SLIT2: variants seen among roughly 807,000 people sequenced by gnomAD.
SLIT2 encodes the protein slit guidance ligand 2, also known as slit homolog 2 protein.
SLIT2 carries 41 observed loss-of-function variants against 185.7 expected under a neutral mutation model. That is an observed-to-expected ratio of 0.22 (90% CI 0.17 to 0.29). The LOEUF (loss-of-function observed/expected upper bound fraction) is 0.29, where lower values mean the gene tolerates loss of function less well. Ranked by LOEUF, SLIT2 falls within the 10% of genes least tolerant of loss-of-function variation. The probability of loss-of-function intolerance (pLI) is 1.00; values close to 1 mark genes in which losing one functional copy is unlikely to be tolerated. For missense variants in SLIT2, 1,571 were observed against 1,909.0 expected (o/e 0.82, Z 3.30); for synonymous variants, 693 against 680.2 (o/e 1.02, Z -0.29).
Position 20,598,307 on chromosome 4 carries a change from G to A in SLIT2, c.3604G>A (p.Asp1202Asn). The A allele has an allele frequency of 3.7e-6, 6 of 1,614,132 alleles. No homozygotes were observed. The highest frequency in any genetic ancestry group is 4.2e-6 in the Non-Finnish European group (5 of 1,180,002). The change falls in exon 33 of 37, where the codon GAC becomes AAC. Residue 1202 changes from aspartate (D) to asparagine (N), a missense_variant. Transcript: ENST00000504154. ...CAGCGGAATCCTCCTGTATAAGGGT[G>A]ACAAAGACCATATCGCGGTAGAACT... ...EDSGILLYKG[D>N]KDHIAVELYR...
chr4:20,617,420 G>A lies in SLIT2; in HGVS notation c.4137-19G>A, dbSNP rs779598004. ...CTCTTCTGAATGCATTCCCACTCCTGTGTTCCTCCTCCCTGTAGATGCGTA... is the reference window on the plus strand; with the variant it reads ...CTCTTCTGAATGCATTCCCACTCCTATGTTCCTCCTCCCTGTAGATGCGTA... On this transcript the variant is annotated intron_variant, in intron 35 of 36. Coordinates refer to ENST00000504154, the MANE Select transcript of SLIT2 (RefSeq NM_004787.4). 1.2e-6 allele frequency: 2 copies of A among 1,606,924 alleles called. No homozygotes were observed. Among genetic ancestry groups the A allele is most frequent in the Non-Finnish European group, 1.7e-6 (2 of 1,173,812 alleles).
At chr4:20,459,399 A>G (rs1224521893) in intron 4 of SLIT2, among the ~76,000 whole-genome samples, 1 of 152,224 alleles carries the variant, frequency 6.6e-6, no homozygotes, top group African/African-American at 2.4e-5. Flanking sequence ...GCTTTTGAAT[A>G]CATGAATGAG....
chr4:20,447,573 G>A (rs1344660842), intron 4 of SLIT2, among the ~76,000 whole-genome samples: 1 of 152,216 alleles, frequency 6.6e-6, no homozygotes. Context: ...TATCACAGGA[G>A]CAGGCTGTAG....
At chr4:20,280,994 G>A (rs1363387971) in intron 4 of SLIT2, among the ~76,000 whole-genome samples, 3 of 151,968 alleles carry the variant, frequency 2.0e-5, no homozygotes, top group East Asian at 1.9e-4. Flanking sequence ...CACCACGCCC[G>A]GCTGATTTTT....
intron 4 of SLIT2, among the ~76,000 whole-genome samples, chr4:20,337,020 T>C (rs1293835470): frequency 6.6e-6 from 1 of 152,196 alleles, no homozygotes; most frequent in Non-Finnish European, 1.5e-5. Flanking sequence ...CCTATTCCTC[T>C]TATAAGAGTT....
intron 4 of SLIT2, among the ~76,000 whole-genome samples, chr4:20,467,425 A>G (rs2148742963): frequency 6.6e-6 from 1 of 152,202 alleles, no homozygotes; most frequent in Non-Finnish European, 1.5e-5. Flanking sequence ...AAACTGAATT[A>G]TGAACAATTT....
At chr4:20,419,687 G>GTGTT (rs1195186669) in intron 4 of SLIT2, among the ~76,000 whole-genome samples, 1 of 151,446 alleles carries the variant, frequency 6.6e-6, no homozygotes, top group Non-Finnish European at 1.5e-5. Context: ...GTGTGTGTGT[G>GTGTT]TGTGTGTGTG....
chr4:20,333,719 T>C (rs756146853), intron 4 of SLIT2, among the ~76,000 whole-genome samples: 6 of 152,212 alleles, frequency 3.9e-5, no homozygotes, highest in Non-Finnish European at 7.3e-5. Context: ...GGTTCAAGCT[T>C]TGAGCCATAG....
intron 5 of SLIT2, among the ~76,000 whole-genome samples, chr4:20,472,268 A>ATC (rs1217612693): frequency 5.4e-4 from 21 of 38,752 alleles, no homozygotes; most frequent in South Asian, 9.3e-4. Context: ...CTATATATAG[A>ATC]TATATATCTA....
intron 4 of SLIT2, among the ~76,000 whole-genome samples, chr4:20,333,802 T>C (rs1302136423): frequency 6.6e-6 from 1 of 152,160 alleles, no homozygotes; most frequent in Non-Finnish European, 1.5e-5. Flanking sequence ...TTTTATTTCA[T>C]GTGTAAAGGT....
At chr4:20,598,466 T>A in intron 33 of SLIT2, 71 bp downstream of exon 33, 1 of 1,550,308 alleles carries the variant, frequency 6.5e-7, no homozygotes, top group Non-Finnish European at 8.9e-7. Context: ...CCTCTATCAT[T>A]TTATTATGGA....
chr4:20,364,415 T>A, intron 4 of SLIT2: 1 of 252,020 alleles, frequency 4.0e-6, no homozygotes, highest in Non-Finnish European at 6.3e-6. Flanking sequence ...TTTAACATTT[T>A]AACAGATAAT....
At position 20,564,111 on chromosome 4, in the gene SLIT2, G is replaced by T. The variant is rs542051558; in HGVS notation, c.2726-3151G>T. 1.1e-4 allele frequency among the ~76,000 whole-genome samples: 16 copies of T among 151,814 alleles called. No homozygotes were observed. In the South Asian group the frequency reaches 3.3e-3, roughly 31 times the overall value. ...TGACTTTATTTGGCATCTCTTTTTA[G>T]CTCTGATATTATCTCCTTATTGTAT... On this transcript the variant is annotated intron_variant, in intron 26 of 36. Transcript: ENST00000504154.
At chr4:20,278,564 G>A (rs181905239) in intron 4 of SLIT2, among the ~76,000 whole-genome samples, 242 of 151,920 alleles carry the variant, frequency 1.6e-3, no homozygotes, top group Non-Finnish European at 2.5e-3. Flanking sequence ...TAGGAATATC[G>A]CTTTAAACAT....
chr4:20,538,570 A>C (rs935949069), intron 18 of SLIT2, among the ~76,000 whole-genome samples: 1 of 152,090 alleles, frequency 6.6e-6, no homozygotes, highest in Non-Finnish European at 1.5e-5. Context: ...TGTTTAGAAA[A>C]ATTAAGGAAT....
At chr4:20,572,964 G>T (rs1473603139) in intron 29 of SLIT2, among the ~76,000 whole-genome samples, 1 of 152,162 alleles carries the variant, frequency 6.6e-6, no homozygotes, top group African/African-American at 2.4e-5. Context: ...AAGCCATTCA[G>T]TGTCCATCTT....
chr4:20,309,904 C>T (rs1021292880), intron 4 of SLIT2, among the ~76,000 whole-genome samples: 12 of 151,738 alleles, frequency 7.9e-5, no homozygotes, highest in African/African-American at 2.2e-4. Context: ...GGACTACAGG[C>T]GCCCACCACC....
intron 30 of SLIT2, 117 bp from the exon 31 acceptor site, chr4:20,595,580 T>C (rs1727909628): frequency 7.8e-7 from 1 of 1,284,638 alleles, no homozygotes; most frequent in Non-Finnish European, 1.1e-6. Context: ...GTGGGGGCTC[T>C]ATGAGCCTAT....
intron 29 of SLIT2, among the ~76,000 whole-genome samples, chr4:20,574,181 C>T (rs1030269162): frequency 6.6e-6 from 1 of 151,790 alleles, no homozygotes; most frequent in Non-Finnish European, 1.5e-5. Flanking sequence ...GTCTCGATCT[C>T]CTGACCTCAT....
Sources: allele counts gnomAD v4.1 joint callset (sites outside exome capture counted in the v4.1 genomes callset), GRCh38; gene constraint gnomAD v4.1.1; transcripts MANE v1.5; gene names NCBI Gene and HGNC (gene_info 2026-07-23, HGNC 2026-07-21).